Variants in VIPR2 observed in about 807,000 individuals in gnomAD.
VIPR2 encodes vasoactive intestinal peptide receptor 2, also known as vasoactive intestinal polypeptide receptor 2.
VIPR2 carries 48 observed loss-of-function variants against 58.0 expected under a neutral mutation model. That is an observed-to-expected ratio of 0.83 (90% CI 0.66 to 1.05). The LOEUF (loss-of-function observed/expected upper bound fraction) is 1.05. Ranked by LOEUF, VIPR2 falls within the 50% of genes least tolerant of loss-of-function variation. VIPR2 has a pLI of 0.00. For missense variants in VIPR2, 534 were observed against 558.0 expected, an observed-to-expected ratio of 0.96 and a Z score of 0.43; for synonymous variants, 243 against 235.2, an observed-to-expected ratio of 1.03 and a Z score of -0.30.
chr7:159,034,065 A>G, intron 10 of VIPR2, 148 bp downstream of exon 10: 1 of 695,966 alleles, frequency 1.4e-6, no homozygotes, highest in East Asian at 2.7e-5. Flanking sequence ...AGCCTTGGGC[A>G]GGAGCAGAGC....
intron 2 of VIPR2, among the ~76,000 whole-genome samples, chr7:159,135,656 C>G (rs184826251): frequency 2.2e-4 from 33 of 151,722 alleles, no homozygotes; most frequent in South Asian, 6.3e-4. Context: ...AACCCCATCT[C>G]TACTAAAAAT....
chr7:159,061,940 C>T (rs1213872432), intron 4 of VIPR2, among the ~76,000 whole-genome samples: 1 of 152,122 alleles, frequency 6.6e-6, no homozygotes, highest in Non-Finnish European at 1.5e-5. Flanking sequence ...GGAGCGGCGG[C>T]CGCGTCTGGA....
chr7:159,044,966 T>G (rs1854558418), intron 5 of VIPR2, among the ~76,000 whole-genome samples: 1 of 152,140 alleles, frequency 6.6e-6, no homozygotes, highest in Non-Finnish European at 1.5e-5. Context: ...GGGTGGGGTT[T>G]CGCAACGTTG....
Position 159,096,043 on chromosome 7 carries a change from C to T in VIPR2, c.357+7714G>A, listed in dbSNP as rs1167355374. The stretch of plus-strand genomic sequence containing the variant: ...CCTTCTCAGAACCAGCGCCCCTGCC[C>T]CACCCACCTGTGGAGCCCAAGAGCC... On this transcript the variant is annotated intron_variant, in intron 4 of 12. Coordinates refer to ENST00000262178, the MANE Select transcript of VIPR2 (RefSeq NM_003382.5). This position sits in a 1 kb window ranked among gnomAD's most constrained non-coding sequence, Gnocchi z 5.5. 6.6e-6 allele frequency among the ~76,000 whole-genome samples: 1 copy of T among 152,118 alleles called. No individual in the cohort carries two copies. The highest frequency in any genetic ancestry group is 1.5e-5 in the Non-Finnish European group (1 of 68,014).
chr7:159,085,540 C>T lies in VIPR2; in HGVS notation c.357+18217G>A, dbSNP rs191215181. ...CGAACTCCTGACCTCAGGTGATCCACCCGCCTTGGCCTCCAAAGTGCTGGG... is the reference window on the plus strand; with the variant it reads ...CGAACTCCTGACCTCAGGTGATCCATCCGCCTTGGCCTCCAAAGTGCTGGG... On this transcript the variant is annotated intron_variant, in intron 4 of 12. Coordinates refer to ENST00000262178, the MANE Select transcript of VIPR2 (RefSeq NM_003382.5). Among the ~76,000 whole-genome samples the T allele has an allele frequency of 3.5e-3, 537 of 152,206 alleles. 11 individuals are homozygous for T. Among genetic ancestry groups the T allele is most frequent in the Admixed American group, 0.031 (475 of 15,282 alleles).
intron 10 of VIPR2, among the ~76,000 whole-genome samples, chr7:159,032,565 C>T (rs1171764371): frequency 6.6e-6 from 1 of 152,176 alleles, no homozygotes; most frequent in Non-Finnish European, 1.5e-5. Context: ...CGGCAGAGGA[C>T]CTGCCTGATT....
intron 8 of VIPR2, 147 bp from the exon 9 acceptor site, chr7:159,034,797 T>C: frequency 1.5e-6 from 1 of 682,006 alleles, no homozygotes; most frequent in Non-Finnish European, 2.7e-6. Context: ...TAAAGGAATC[T>C]GTCCCAGGGA....
At chr7:159,035,008 C>T (rs922574073) in intron 8 of VIPR2, among the ~76,000 whole-genome samples, 51 of 152,268 alleles carry the variant, frequency 3.3e-4, no homozygotes, top group South Asian at 6.2e-4. Flanking sequence ...CCTCACCTCC[C>T]GAATGGTTTG....
At chr7:159,059,288 A>G (rs1315812836) in intron 4 of VIPR2, 1 of 471,306 alleles carries the variant, frequency 2.1e-6, no homozygotes, top group Non-Finnish European at 4.4e-6. Flanking sequence ...CAACACCTGC[A>G]GGGCATCATC....
chr7:159,123,757 C>T (rs1203894620), intron 2 of VIPR2, among the ~76,000 whole-genome samples: 1 of 152,202 alleles, frequency 6.6e-6, no homozygotes, highest in Non-Finnish European at 1.5e-5. Flanking sequence ...AACTAATTTA[C>T]ACTCCCTCCA....
intron 4 of VIPR2, among the ~76,000 whole-genome samples, chr7:159,101,641 G>A (rs1388402017): frequency 5.9e-5 from 8 of 135,398 alleles, no homozygotes; most frequent in East Asian, 2.3e-4. Context: ...CACGAGATCC[G>A]ACGAGGCCGT....
intron 6 of VIPR2, 138 bp downstream of exon 6, chr7:159,042,897 C>T (rs1563265722): frequency 1.6e-6 from 2 of 1,235,318 alleles, no homozygotes; most frequent in Non-Finnish European, 2.2e-6. Flanking sequence ...AGCCTCTCTG[C>T]CAGGCTCTCT....
intron 4 of VIPR2, among the ~76,000 whole-genome samples, chr7:159,094,274 C>G (rs528345299): frequency 6.6e-6 from 1 of 152,322 alleles, no homozygotes; most frequent in East Asian, 1.9e-4. Context: ...CACGTGGAAT[C>G]TTGCCCCTTA....
At chr7:159,035,489 C>T (rs1853877273) in intron 8 of VIPR2, among the ~76,000 whole-genome samples, 1 of 152,234 alleles carries the variant, frequency 6.6e-6, no homozygotes. Flanking sequence ...CACGCGTGCT[C>T]ATGTCTGGGC....
rs1275274918 is a variant in VIPR2 at position 159,132,971 on chromosome 7, CATACCGATTGATTTTAGACAGAATGAT to C, written c.151+9448_151+9474del. 6.6e-4 allele frequency among the ~76,000 whole-genome samples: 97 copies of C among 146,138 alleles called. 1 individual carries two copies. Among genetic ancestry groups the C allele is most frequent in the African/African-American group, 1.1e-3 (41 of 38,642 alleles). Reference sequence around the variant, plus strand: ...GATTGATTTCAGACAGAATGATTGGCATACCGATTGATTTTAGACAGAATGATTGGCATACAGATTGATTTCAGACAG... The same window carrying C: ...GATTGATTTCAGACAGAATGATTGGCTGGCATACAGATTGATTTCAGACAG... On this transcript the variant is annotated intron_variant, in intron 2 of 12. Coordinates refer to ENST00000262178, the MANE Select transcript of VIPR2 (RefSeq NM_003382.5).
chr7:159,108,346 TG>T (rs1327463311), intron 3 of VIPR2, among the ~76,000 whole-genome samples: 5 of 152,250 alleles, frequency 3.3e-5, no homozygotes, highest in African/African-American at 1.2e-4. Context: ...GGGGACCATC[TG>T]TCCACAGTTT....
At chr7:159,104,053 C>T (rs1034556156) in intron 3 of VIPR2, among the ~76,000 whole-genome samples, 199 bp from the exon 4 acceptor site, 13 of 152,204 alleles carry the variant, frequency 8.5e-5, no homozygotes, top group Non-Finnish European at 1.8e-4. Context: ...CCTCTCGGGG[C>T]CGGTGGGTCC....
Position 159,031,447 on chromosome 7 carries a change from C to T in VIPR2, c.1143+381G>A, listed in dbSNP as rs868157765. ...TTCCTCCCCAGGGACTCACAGGACGCTGTGCAGCCCCACCCCCCAACCCAG... is the reference window on the plus strand; with the variant it reads ...TTCCTCCCCAGGGACTCACAGGACGTTGTGCAGCCCCACCCCCCAACCCAG... On this transcript the variant is annotated intron_variant, in intron 12 of 12. Coordinates refer to ENST00000262178, the MANE Select transcript of VIPR2 (RefSeq NM_003382.5). This position sits in a 1 kb window ranked among gnomAD's most constrained non-coding sequence, Gnocchi z 4.0. 6.5e-5 allele frequency: 64 copies of T among 985,290 alleles called. No homozygotes were observed. Among genetic ancestry groups the T allele is most frequent in the Non-Finnish European group, 7.5e-5 (62 of 829,898 alleles). 61.0% of individuals were successfully genotyped at this position (985,290 alleles called of 1,614,324 possible). A position where few individuals can be genotyped will look rare whatever the true frequency, so the allele number is the denominator to read the frequency against.
intron 4 of VIPR2, among the ~76,000 whole-genome samples, chr7:159,062,110 G>A (rs1018051413): frequency 1.3e-5 from 2 of 152,218 alleles, no homozygotes; most frequent in South Asian, 2.1e-4. Context: ...TGAAGCAGAC[G>A]AGAACTGGCC....
Sources: allele counts gnomAD v4.1 joint callset (sites outside exome capture counted in the v4.1 genomes callset), GRCh38; gene constraint gnomAD v4.1.1; non-coding constraint Gnocchi (gnomAD v3.1); transcripts MANE v1.5; gene names NCBI Gene and HGNC (gene_info 2026-07-23, HGNC 2026-07-21).